Variants in SCRG1 observed in about 807,000 individuals in gnomAD.
The protein encoded by SCRG1 is scrapie-responsive protein 1.
Under a neutral mutation model 7.7 loss-of-function variants are expected in SCRG1, and 3 were observed. The observed-to-expected ratio is 0.39, with a 90% CI of 0.18 to 1.01. The LOEUF (loss-of-function observed/expected upper bound fraction) is 1.01, where lower values mean the gene tolerates loss of function less well. Among genes scored for constraint, SCRG1 ranks in the 50% least tolerant of loss-of-function variants. SCRG1 has a pLI of 0.36. For synonymous variants in SCRG1, 46 were observed against 41.2 expected (o/e 1.12, Z -0.44); for missense variants, 110 against 117.2 (o/e 0.94, Z 0.28).
chr4:173,434,415 A>G, the SCRG1 span, among the ~76,000 whole-genome samples: 2 of 152,218 alleles, frequency 1.3e-5, no homozygotes, highest in Non-Finnish European at 2.9e-5. Flanking sequence ...TGTAAACCAC[A>G]TATTTGAAGA....
chr4:173,422,170 CA>C, the SCRG1 span, among the ~76,000 whole-genome samples: 1 of 152,150 alleles, frequency 6.6e-6, no homozygotes, highest in African/African-American at 2.4e-5. Flanking sequence ...ATGTTCAAGG[CA>C]AAGTAAGTGG....
chr4:173,501,235 G>A, the SCRG1 span, among the ~76,000 whole-genome samples: 4 of 152,208 alleles, frequency 2.6e-5, no homozygotes, highest in African/African-American at 9.6e-5. This position sits in a 1 kb window ranked among gnomAD's most constrained non-coding sequence, Gnocchi z 5.1. Flanking sequence ...TATCACAAAT[G>A]GTGAAGGAGA....
the SCRG1 span, among the ~76,000 whole-genome samples, chr4:173,508,633 AAAGGCACTAGAG>A: frequency 6.6e-6 from 1 of 152,180 alleles, no homozygotes; most frequent in African/African-American, 2.4e-5. This position sits in a 1 kb window ranked among gnomAD's most constrained non-coding sequence, Gnocchi z 4.4. Context: ...GGGCCCCCTG[AAAGGCACTAGAG>A]AAGGCCTGCC....
the SCRG1 span, among the ~76,000 whole-genome samples, chr4:173,422,102 C>T: frequency 6.6e-6 from 1 of 152,176 alleles, no homozygotes; most frequent in Non-Finnish European, 1.5e-5. Context: ...AGCATGTTCA[C>T]ATTTGCCAGT....
the SCRG1 span, among the ~76,000 whole-genome samples, chr4:173,454,128 G>A: frequency 6.6e-6 from 1 of 151,968 alleles, no homozygotes; most frequent in South Asian, 2.1e-4. Flanking sequence ...ATCTAGGAAG[G>A]CAGCTGGGCC....
chr4:173,479,435 G>GTTT, the SCRG1 span, among the ~76,000 whole-genome samples: 221 of 125,916 alleles, frequency 1.8e-3, 15 homozygotes, highest in Middle Eastern at 4.3e-3. Context: ...TTGTTTGTTT[G>GTTT]TTTTTTTGTT....
upstream of SCRG1, among the ~76,000 whole-genome samples, chr4:173,406,998 A>G (rs1237449181): frequency 6.6e-6 from 1 of 152,034 alleles, no homozygotes; most frequent in African/African-American, 2.4e-5. Flanking sequence ...ATCTGAGGTC[A>G]GGAGTTTGAG....
At chr4:173,449,676 G>A in the SCRG1 span, among the ~76,000 whole-genome samples, 1 of 152,204 alleles carries the variant, frequency 6.6e-6, no homozygotes, top group African/African-American at 2.4e-5. Flanking sequence ...CCAGGCACAT[G>A]CCACAGTTCC....
chr4:173,486,478 A>C, the SCRG1 span, among the ~76,000 whole-genome samples: 1 of 151,788 alleles, frequency 6.6e-6, no homozygotes, highest in Non-Finnish European at 1.5e-5. Context: ...CTCCTTTTAA[A>C]CTTTCTGACT....
chr4:173,419,331 T>A, the SCRG1 span: 1 of 828,756 alleles, frequency 1.2e-6, no homozygotes, highest in Non-Finnish European at 1.9e-6. Context: ...AGGGATATTT[T>A]GGGACAGTTC....
the SCRG1 span, chr4:173,419,553 G>T: frequency 1.4e-6 from 1 of 728,910 alleles, no homozygotes; most frequent in Non-Finnish European, 2.5e-6. Context: ...ATGTGCTTCC[G>T]GTGTACTTCT....
At chr4:173,459,676 A>C in the SCRG1 span, among the ~76,000 whole-genome samples, 1 of 152,230 alleles carries the variant, frequency 6.6e-6, no homozygotes, top group African/African-American at 2.4e-5. Flanking sequence ...ATTTCAAATA[A>C]ACAACCTAAT....
chr4:173,512,514 A>G, the SCRG1 span, among the ~76,000 whole-genome samples: 1 of 152,266 alleles, frequency 6.6e-6, no homozygotes, highest in Non-Finnish European at 1.5e-5. Context: ...AGTAATTGCT[A>G]TATTCCATCT....
Position 173,387,503 on chromosome 4 carries a change from GCAGCTA to G in SCRG1, c.*832_*837del, listed in dbSNP as rs1739275157. The G allele has an allele frequency of 1.3e-5, 2 of 151,890 alleles. No homozygotes were observed. The highest frequency in any genetic ancestry group is 4.2e-4 in the South Asian group (2 of 4,812). The allele number at this position is 151,890 out of a possible 1,614,324, so 9.4% of individuals were successfully genotyped here. A position where few individuals can be genotyped will look rare whatever the true frequency, so the allele number is the denominator to read the frequency against. On this transcript the variant is annotated 3_prime_UTR_variant, in exon 3 of 3. Transcript: ENST00000296506. ...TGGGACTACAGGTGCATGCCGCCAT[GCAGCTA>G]ATTTTTAAATTTTTTTTGTAAAGAC...
intron 1 of SCRG1, among the ~76,000 whole-genome samples, chr4:173,398,671 TGTAGG>T (rs1739670060): frequency 6.6e-6 from 1 of 152,208 alleles, no homozygotes; most frequent in Admixed American, 6.5e-5. Flanking sequence ...CTTCATGTAG[TGTAGG>T]TAATATAGCT....
the SCRG1 span, among the ~76,000 whole-genome samples, chr4:173,473,015 C>T: frequency 3.6e-3 from 545 of 152,272 alleles, 2 homozygotes; most frequent in African/African-American, 0.012. Context: ...ACATGCTTAG[C>T]CAATTTAAGG....
the SCRG1 span, among the ~76,000 whole-genome samples, chr4:173,485,634 A>T: frequency 6.6e-6 from 1 of 152,112 alleles, no homozygotes; most frequent in Admixed American, 6.6e-5. Context: ...TTTTTATCTG[A>T]TTCTCAAAGA....
At chr4:173,510,123 G>A in the SCRG1 span, among the ~76,000 whole-genome samples, 1 of 152,056 alleles carries the variant, frequency 6.6e-6, no homozygotes, top group East Asian at 1.9e-4. This position sits in a 1 kb window ranked among gnomAD's most constrained non-coding sequence, Gnocchi z 5.7. Context: ...GCGTTTCAGG[G>A]CCCAAAAGTG....
the SCRG1 span, among the ~76,000 whole-genome samples, chr4:173,434,354 A>G: frequency 6.6e-6 from 1 of 152,196 alleles, no homozygotes; most frequent in Non-Finnish European, 1.5e-5. Flanking sequence ...GCACAAGTTT[A>G]GTAAAAAGGG....
Sources: allele counts gnomAD v4.1 joint callset (sites outside exome capture counted in the v4.1 genomes callset), GRCh38; gene constraint gnomAD v4.1.1; non-coding constraint Gnocchi (gnomAD v3.1); transcripts MANE v1.5; gene names NCBI Gene and HGNC (gene_info 2026-07-23, HGNC 2026-07-21).